RPS6KA2: variants seen among roughly 807,000 people sequenced by gnomAD.
The protein encoded by RPS6KA2 is ribosomal protein S6 kinase alpha-2.
A neutral mutation model predicts 91.8 loss-of-function variants in RPS6KA2; 42 were observed. The ratio of observed to expected loss-of-function variants is 0.46; its 90% confidence interval spans 0.36 to 0.59. The LOEUF (loss-of-function observed/expected upper bound fraction) is 0.59, where lower values mean the gene tolerates loss of function less well. RPS6KA2 is among the 20% of genes least tolerant of loss of function. The probability of loss-of-function intolerance (pLI) is 0.00; values close to 1 mark genes in which losing one functional copy is unlikely to be tolerated. For synonymous variants in RPS6KA2, 414 were observed against 393.6 expected (o/e 1.05, Z -0.61); for missense variants, 798 against 978.5 (o/e 0.82, Z 2.46).
At chr6:166,593,557 A>G (rs1785425447) in intron 1 of RPS6KA2, among the ~76,000 whole-genome samples, 1 of 152,242 alleles carries the variant, frequency 6.6e-6, no homozygotes, top group African/African-American at 2.4e-5. Context: ...ACAACAGCAA[A>G]GAGATAATTT....
At chr6:166,809,383 C>T (rs556845097) in intron 2 of RPS6KA2, among the ~76,000 whole-genome samples, 27 of 152,128 alleles carry the variant, frequency 1.8e-4, no homozygotes, top group Admixed American at 6.5e-4. Context: ...CACTGAAAAA[C>T]AAAATGGACA....
rs538686444 is a variant in RPS6KA2, at chr6:166,571,181, G to A, written c.100-32397C>T. On this transcript the variant is annotated intron_variant, in intron 1 of 20. Coordinates refer to ENST00000265678, the MANE Select transcript of RPS6KA2 (RefSeq NM_021135.6). ...ACTCCACACAGGAAACAGTAAGCGC[G>A]GGACCAACCCATAAGGGATACCGGG... Among the ~76,000 whole-genome samples, 13 of 152,294 alleles carry A rather than the reference G, an allele frequency of 8.5e-5. No individual in the cohort carries two copies. In the South Asian group the frequency reaches 1.0e-3, roughly 12 times the overall value.
chr6:166,802,587 T>C (rs898567325), intron 2 of RPS6KA2, among the ~76,000 whole-genome samples: 3 of 152,152 alleles, frequency 2.0e-5, no homozygotes, highest in Non-Finnish European at 2.9e-5. Flanking sequence ...ACTCATTTGG[T>C]CTTTAGAGGG....
intron 2 of RPS6KA2, among the ~76,000 whole-genome samples, chr6:166,721,474 G>A (rs1034952968): frequency 6.6e-6 from 1 of 152,206 alleles, no homozygotes; most frequent in African/African-American, 2.4e-5. Flanking sequence ...TTACCAGATG[G>A]TGCCTAGTAA....
chr6:166,532,228 G>A (rs1783305428), intron 2 of RPS6KA2, among the ~76,000 whole-genome samples: 1 of 152,222 alleles, frequency 6.6e-6, no homozygotes. Context: ...GAAACTCCAG[G>A]TGGCCCAAGT....
chr6:166,825,397 G>A lies in RPS6KA2; in HGVS notation c.123+32803C>T, dbSNP rs1348374786. Among the ~76,000 whole-genome samples the A allele has an allele frequency of 5.3e-5, 8 of 152,232 alleles. No individual in the cohort carries two copies. Among genetic ancestry groups the A allele is most frequent in the Non-Finnish European group, 1.0e-4 (7 of 68,030 alleles). On this transcript the variant is annotated intron_variant, in intron 2 of 21. Coordinates refer to the RPS6KA2 transcript ENST00000503859. This position sits in a 1 kb window ranked among gnomAD's most constrained non-coding sequence, Gnocchi z 4.1. ...GGAGTTGAGGAAGAACTCGGGCTTA[G>A]GGGAAGAAATGGAGTTTAGGTGGAA...
intron 2 of RPS6KA2, among the ~76,000 whole-genome samples, chr6:166,850,310 T>C (rs772440970): frequency 3.5e-5 from 5 of 143,862 alleles, no homozygotes; most frequent in Non-Finnish European, 7.5e-5. Context: ...GCATTATCTA[T>C]GGGAGAAAAT....
rs150092392 is a variant in RPS6KA2, at chr6:166,500,471, G to A, written c.604+416C>T. On this transcript the variant is annotated intron_variant, in intron 7 of 20. Coordinates refer to ENST00000265678, the MANE Select transcript of RPS6KA2 (RefSeq NM_021135.6). This position sits in a 1 kb window ranked among gnomAD's most constrained non-coding sequence, Gnocchi z 4.3. ...GGACAGCATCAGTGAGGGCAGCAGT[G>A]CAGGCCGCACTCCAGCGAGACTCCA... 3.1e-3 allele frequency among the ~76,000 whole-genome samples: 478 copies of A among 152,288 alleles called. 2 individuals are homozygous for A. The highest frequency in any genetic ancestry group is 0.011 in the African/African-American group (453 of 41,542).
At chr6:166,579,177 T>C (rs181161795) in intron 1 of RPS6KA2, among the ~76,000 whole-genome samples, 2 of 152,268 alleles carry the variant, frequency 1.3e-5, no homozygotes, top group Admixed American at 6.5e-5. Context: ...TATCCGTTTA[T>C]GCTGTTTAGA....
intron 1 of RPS6KA2, among the ~76,000 whole-genome samples, chr6:166,565,781 C>T (rs775400878): frequency 6.6e-6 from 1 of 152,154 alleles, no homozygotes; most frequent in Non-Finnish European, 1.5e-5. Context: ...ACAGGACGGC[C>T]GATGGCCTGG....
intron 2 of RPS6KA2, among the ~76,000 whole-genome samples, chr6:166,742,235 T>G (rs966738111): frequency 2.0e-5 from 3 of 152,200 alleles, no homozygotes; most frequent in African/African-American, 7.2e-5. Flanking sequence ...CTGCACAGAT[T>G]GTGTGCACAG....
At chr6:166,777,938 A>T (rs1310059202) in intron 2 of RPS6KA2, among the ~76,000 whole-genome samples, 1 of 152,058 alleles carries the variant, frequency 6.6e-6, no homozygotes, top group Non-Finnish European at 1.5e-5. Flanking sequence ...CTTTATTGAA[A>T]GATATAAAAG....
At chr6:166,823,135 CAG>C (rs1562457535) in intron 2 of RPS6KA2, among the ~76,000 whole-genome samples, 2 of 152,178 alleles carry the variant, frequency 1.3e-5, no homozygotes, top group African/African-American at 4.8e-5. Flanking sequence ...CTACATGAGA[CAG>C]GGGACCATGT....
intron 1 of RPS6KA2, among the ~76,000 whole-genome samples, chr6:166,618,993 T>C (rs1358841628): frequency 6.6e-6 from 1 of 152,130 alleles, no homozygotes; most frequent in Non-Finnish European, 1.5e-5. Flanking sequence ...GCGTATGGGC[T>C]CCAATCGATG....
At chr6:166,649,964 G>A (rs928825104) in intron 2 of RPS6KA2, among the ~76,000 whole-genome samples, 4 of 151,940 alleles carry the variant, frequency 2.6e-5, no homozygotes, top group Non-Finnish European at 5.9e-5. Context: ...CATTGCGGAG[G>A]GTAGAGAGAA....
chr6:166,429,957 C>CTTTTT (rs1441324687), intron 16 of RPS6KA2, among the ~76,000 whole-genome samples: 4 of 150,354 alleles, frequency 2.7e-5, no homozygotes, highest in African/African-American at 9.8e-5. Flanking sequence ...AAGAATTTTT[C>CTTTTT]TTTTCTTTTT....
intron 1 of RPS6KA2, among the ~76,000 whole-genome samples, chr6:166,543,805 ACTGTC>A (rs1210819826): frequency 6.6e-6 from 1 of 152,252 alleles, no homozygotes; most frequent in Non-Finnish European, 1.5e-5. Context: ...ATCACAGGCA[ACTGTC>A]CTGAGTGTGT....
intron 1 of RPS6KA2, among the ~76,000 whole-genome samples, chr6:166,580,705 G>A (rs901977790): frequency 7.3e-5 from 11 of 151,634 alleles, no homozygotes; most frequent in Non-Finnish European, 1.6e-4. Context: ...CAGTGAGGAC[G>A]GATGAGACCA....
At chr6:166,645,134 A>G (rs150782623) in intron 2 of RPS6KA2, among the ~76,000 whole-genome samples, 457 of 152,380 alleles carry the variant, frequency 3.0e-3, no homozygotes, top group Non-Finnish European at 5.7e-3. Flanking sequence ...TGGCAGACCT[A>G]GAAAATGAAC....
Sources: gnomAD v4.1 joint callset for allele counts (sites outside exome capture counted in the v4.1 genomes callset) on GRCh38, gnomAD v4.1.1 for gene constraint, Gnocchi (gnomAD v3.1) non-coding constraint, MANE v1.5 for transcripts, NCBI Gene and HGNC (gene_info 2026-07-23, HGNC 2026-07-21) for gene names.